Variants in SMARCC1 observed in about 807,000 individuals in gnomAD.
SMARCC1 encodes the protein SWI/SNF related BAF chromatin remodeling complex subunit C1, also known as SWI/SNF complex subunit SMARCC1.
A neutral mutation model predicts 147.4 loss-of-function variants in SMARCC1; 43 were observed. The ratio of observed to expected loss-of-function variants is 0.29; its 90% CI spans 0.23 to 0.38. The LOEUF is 0.38. SMARCC1 is among the 10% of genes least tolerant of loss of function. The probability of loss-of-function intolerance (pLI) is 1.00; values close to 1 mark genes in which losing one functional copy is unlikely to be tolerated. For synonymous variants in SMARCC1, 495 were observed against 484.4 expected (o/e 1.02, Z -0.29); for missense variants, 1,119 against 1,381.1 (o/e 0.81, Z 3.01).
chr3:47,683,584 G>A (rs976979442), intron 14 of SMARCC1, among the ~76,000 whole-genome samples: 3 of 152,020 alleles, frequency 2.0e-5, no homozygotes, highest in Non-Finnish European at 4.4e-5. Context: ...CGGACGCAGT[G>A]GCTCACACCT....
At chr3:47,706,319 A>C in intron 10 of SMARCC1, 90 bp downstream of exon 10, 1 of 1,257,824 alleles carries the variant, frequency 8.0e-7, no homozygotes, top group Non-Finnish European at 1.0e-6. Flanking sequence ...TGATCTGCCC[A>C]CCTCAGCCTC....
At chr3:47,615,556 T>C (rs2032628709) in intron 25 of SMARCC1, among the ~76,000 whole-genome samples, 1 of 152,214 alleles carries the variant, frequency 6.6e-6, no homozygotes, top group Non-Finnish European at 1.5e-5. Context: ...CATCTCATAG[T>C]ATTTGGTTTC....
intron 24 of SMARCC1, among the ~76,000 whole-genome samples, chr3:47,631,402 A>AG (rs2032888822): frequency 6.6e-6 from 1 of 152,174 alleles, no homozygotes; most frequent in African/African-American, 2.4e-5. Flanking sequence ...AACTGAACCT[A>AG]CTACTGCTGA....
intron 13 of SMARCC1, 89 bp downstream of exon 13, chr3:47,689,298 T>C (rs2033764515): frequency 1.4e-5 from 15 of 1,077,624 alleles, no homozygotes; most frequent in Middle Eastern, 2.0e-4. Context: ...AGTCCAAAAA[T>C]TGGGTTATGT....
intron 10 of SMARCC1, chr3:47,701,642 C>A: frequency 2.5e-6 from 1 of 403,330 alleles, no homozygotes; most frequent in Non-Finnish European, 4.5e-6. Flanking sequence ...AGCGAATCCC[C>A]GTCTCTACTG....
chr3:47,739,873 T>A (rs35148469), intron 3 of SMARCC1, among the ~76,000 whole-genome samples: 5 of 151,924 alleles, frequency 3.3e-5, no homozygotes, highest in Admixed American at 6.6e-5. Flanking sequence ...TAAGCCTATC[T>A]TCTTTCATGT....
chr3:47,644,750 C>T (rs959958955), intron 21 of SMARCC1, among the ~76,000 whole-genome samples: 2 of 152,096 alleles, frequency 1.3e-5, no homozygotes, highest in African/African-American at 4.8e-5. Flanking sequence ...TCAAGTGATC[C>T]GCCCGCCTCG....
At position 47,588,088 on chromosome 3, in the gene SMARCC1, G is replaced by A. The variant is rs994840962; in HGVS notation, c.*121C>T. 1.8e-5 allele frequency: 14 copies of A among 764,538 alleles called. No individual in the cohort carries two copies. The highest frequency in any genetic ancestry group is 2.8e-5 in the Non-Finnish European group (13 of 458,002). The allele number at this position is 764,538 out of a possible 1,614,324, so 47.4% of individuals were successfully genotyped here. ...AGAGGAGTGGGGAGGCACGGGACACGTGCTTGGAGCTGTGAGAAGAAAAAT... is the reference window on the plus strand; with the variant it reads ...AGAGGAGTGGGGAGGCACGGGACACATGCTTGGAGCTGTGAGAAGAAAAAT... On this transcript the variant is annotated 3_prime_UTR_variant, in exon 28 of 28. Transcript: ENST00000254480.
intron 21 of SMARCC1, among the ~76,000 whole-genome samples, chr3:47,642,271 CAT>C (rs1201225471): frequency 2.6e-5 from 4 of 152,118 alleles, no homozygotes; most frequent in Non-Finnish European, 4.4e-5. Flanking sequence ...TACAGAAGTA[CAT>C]ATGACCAATA....
chr3:47,595,370 C>A (rs2032256910), intron 26 of SMARCC1, among the ~76,000 whole-genome samples: 1 of 151,790 alleles, frequency 6.6e-6, no homozygotes, highest in Non-Finnish European at 1.5e-5. Flanking sequence ...ACTAAAAATA[C>A]AAAAAAATTA....
At chr3:47,628,136 A>G (rs543485269) in intron 24 of SMARCC1, among the ~76,000 whole-genome samples, 8 of 152,088 alleles carry the variant, frequency 5.3e-5, no homozygotes, top group African/African-American at 1.9e-4. Context: ...CACAGCCAAT[A>G]TTTATTTTTA....
At chr3:47,702,101 A>G (rs2033925308) in intron 10 of SMARCC1, among the ~76,000 whole-genome samples, 2 of 152,140 alleles carry the variant, frequency 1.3e-5, no homozygotes. Flanking sequence ...TATCATCCAA[A>G]TATCAGGAAC....
chr3:47,709,359 G>A (rs776522557), intron 9 of SMARCC1, among the ~76,000 whole-genome samples: 3 of 152,078 alleles, frequency 2.0e-5, no homozygotes, highest in Non-Finnish European at 2.9e-5. Flanking sequence ...CATGTCAGTG[G>A]TTCAAAGAAT....
chr3:47,600,998 T>G (rs1405028435), intron 26 of SMARCC1, among the ~76,000 whole-genome samples: 3 of 85,198 alleles, frequency 3.5e-5, no homozygotes, highest in Admixed American at 1.2e-4. Flanking sequence ...AGGAAGAAAA[T>G]GAGAGAGAGA....
At chr3:47,625,318 A>C (rs980551210) in intron 24 of SMARCC1, among the ~76,000 whole-genome samples, 4 of 152,008 alleles carry the variant, frequency 2.6e-5, no homozygotes, top group Non-Finnish European at 4.4e-5. Flanking sequence ...TTATTTTTAC[A>C]ATTTTAAAAA....
chr3:47,615,903 C>T (rs528876817), intron 25 of SMARCC1, among the ~76,000 whole-genome samples: 4 of 152,224 alleles, frequency 2.6e-5, no homozygotes, highest in Admixed American at 2.0e-4. Context: ...AGGCTGGTCT[C>T]GAACTCCTGA....
At chr3:47,659,989 T>C (rs1413357904) in intron 21 of SMARCC1, among the ~76,000 whole-genome samples, 1 of 152,152 alleles carries the variant, frequency 6.6e-6, no homozygotes, top group Admixed American at 6.5e-5. Context: ...ATAGCCACTA[T>C]GAAAAACAGG....
chr3:47,706,554 A>G (rs2106793471), intron 9 of SMARCC1, 24 bp from the exon 10 acceptor site: 3 of 1,522,988 alleles, frequency 2.0e-6, no homozygotes, highest in South Asian at 1.3e-5. Flanking sequence ...AATGGAAATA[A>G]GTATCAGCTA....
At chr3:47,593,487 T>C (rs1376333083) in intron 26 of SMARCC1, among the ~76,000 whole-genome samples, 1 of 152,146 alleles carries the variant, frequency 6.6e-6, no homozygotes, top group Non-Finnish European at 1.5e-5. Context: ...TTTTTTTATG[T>C]AGGACAAATT....
Sources: allele counts gnomAD v4.1 joint callset (sites outside exome capture counted in the v4.1 genomes callset), GRCh38; gene constraint gnomAD v4.1.1; transcripts MANE v1.5; gene names NCBI Gene and HGNC (gene_info 2026-07-23, HGNC 2026-07-21).